The following IPO7 variants were observed in gnomAD, a reference collection of about 807,000 sequenced individuals.
IPO7 encodes importin 7.
In IPO7, 13 loss-of-function variants were observed where a neutral mutation model predicts 136.4. That is an observed-to-expected ratio of 0.10 (90% confidence interval 0.06 to 0.15). IPO7 has a LOEUF of 0.15. IPO7 is among the 10% of genes least tolerant of loss of function. The pLI is 1.00. For missense variants in IPO7, 857 were observed against 1,240.6 expected (o/e 0.69, Z 4.65); for synonymous variants, 403 against 404.4 (o/e 1.00, Z 0.04).
chr11:9,390,806 G>A (rs541443484), intron 1 of IPO7, among the ~76,000 whole-genome samples: 1 of 150,584 alleles, frequency 6.6e-6, no homozygotes, highest in African/African-American at 2.4e-5. Flanking sequence ...GCCTCGCTCT[G>A]TCACCCAGGC....
chr11:9,422,934 G>A (rs1797352653), intron 8 of IPO7, 72 bp from the exon 9 acceptor site: 3 of 923,094 alleles, frequency 3.2e-6, no homozygotes, highest in Admixed American at 2.5e-5. Flanking sequence ...TGTGTTAACT[G>A]TTTTTACTGG....
intron 12 of IPO7, among the ~76,000 whole-genome samples, chr11:9,427,040 G>A (rs1184409621): frequency 6.6e-6 from 1 of 152,176 alleles, no homozygotes; most frequent in East Asian, 1.9e-4. Flanking sequence ...AGTAGAGATG[G>A]GGTTTTGCCA....
chr11:9,446,566 G>A lies in IPO7; in HGVS notation c.*1372G>A, dbSNP rs866169885. 5 of 152,028 alleles carry A rather than the reference G, an allele frequency of 3.3e-5. No homozygotes were observed. Among genetic ancestry groups the A allele is most frequent in the African/African-American group, 4.8e-5 (2 of 41,398 alleles). 9.4% of individuals were successfully genotyped at this position (152,028 alleles called of 1,614,324 possible). A position where few individuals can be genotyped will look rare whatever the true frequency, so the allele number is the denominator to read the frequency against. On this transcript the variant is annotated 3_prime_UTR_variant, in exon 25 of 25. Transcript: ENST00000379719. ...TAAGCCGTTATTGATCTTAAACATC[G>A]GTCAGATGAGTCATACATTGGGTTA...
rs1381130803 is a variant in IPO7, at chr11:9,410,009, C to A, written c.402C>A (p.Gly134=). 5 of 1,607,186 alleles carry A rather than the reference C, an allele frequency of 3.1e-6. No homozygotes were observed. The highest frequency in any genetic ancestry group is 4.2e-6 in the Non-Finnish European group (5 of 1,177,300). Reference sequence around the variant, plus strand: ...GGACTGCCATTGTGGACAAAATTGGCTTTTATCTTCAGTCCGATAACAGTG... The same window carrying A: ...GGACTGCCATTGTGGACAAAATTGGATTTTATCTTCAGTCCGATAACAGTG... ...SRWTAIVDKI[G]FYLQSDNSAC... is the part of the protein sequence containing the mutation. Residue 134 remains glycine, a synonymous_variant, in exon 4 of 25, where the codon GGC becomes GGA. Transcript: ENST00000379719.
chr11:9,409,708 TTGA>T, intron 3 of IPO7, among the ~76,000 whole-genome samples: 1 of 152,342 alleles, frequency 6.6e-6, no homozygotes, highest in South Asian at 2.1e-4. Context: ...AACTTGTTTA[TTGA>T]TGATAGGAAT....
intron 12 of IPO7, among the ~76,000 whole-genome samples, chr11:9,427,191 A>C (rs1855222995): frequency 6.6e-6 from 1 of 152,000 alleles, no homozygotes; most frequent in Non-Finnish European, 1.5e-5. Flanking sequence ...TTTATAATTG[A>C]GTTGTTAGAA....
chr11:9,408,707 T>C, intron 3 of IPO7, 68 bp downstream of exon 3: 1 of 652,820 alleles, frequency 1.5e-6, no homozygotes, highest in Non-Finnish European at 2.1e-6. Context: ...TTTTTTGGTT[T>C]TTTTTTTTTT....
intron 8 of IPO7, among the ~76,000 whole-genome samples, chr11:9,421,439 C>T (rs1435474786): frequency 1.3e-5 from 2 of 149,478 alleles, no homozygotes; most frequent in African/African-American, 4.9e-5. Flanking sequence ...ACCAGCCTGG[C>T]CAACATGGTG....
intron 2 of IPO7, among the ~76,000 whole-genome samples, chr11:9,407,892 T>C (rs886861251): frequency 6.6e-6 from 1 of 152,216 alleles, no homozygotes; most frequent in Non-Finnish European, 1.5e-5. Flanking sequence ...TGTTAACTTT[T>C]GTCAAATAGC....
intron 5 of IPO7, 98 bp from the exon 6 acceptor site, chr11:9,416,961 T>C (rs1304529225): frequency 2.4e-5 from 13 of 549,772 alleles, no homozygotes; most frequent in Non-Finnish European, 3.9e-5. Context: ...GAAATGTGGA[T>C]TGAATGAAAT....
At chr11:9,397,376 C>T (rs1175103901) in intron 1 of IPO7, among the ~76,000 whole-genome samples, 1 of 73,706 alleles carries the variant, frequency 1.4e-5, no homozygotes, top group Non-Finnish European at 2.4e-5. Flanking sequence ...TAGTCGGGCA[C>T]GGTGGCAGGT....
intron 4 of IPO7, among the ~76,000 whole-genome samples, chr11:9,412,141 T>C (rs1376006890): frequency 6.6e-6 from 1 of 152,350 alleles, no homozygotes; most frequent in Non-Finnish European, 1.5e-5. Flanking sequence ...TGTTAGCACT[T>C]TAAAGTAATA....
At chr11:9,395,042 T>C (rs1221769411) in intron 1 of IPO7, among the ~76,000 whole-genome samples, 2 of 152,128 alleles carry the variant, frequency 1.3e-5, no homozygotes, top group African/African-American at 4.8e-5. Flanking sequence ...AGGGGACTAC[T>C]GGGCATATAA....
At chr11:9,393,014 A>C (rs1029122683) in intron 1 of IPO7, among the ~76,000 whole-genome samples, 5 of 151,934 alleles carry the variant, frequency 3.3e-5, no homozygotes, top group Non-Finnish European at 5.9e-5. Flanking sequence ...ATTAGTGATT[A>C]CATTGGAAAA....
Position 9,425,204 on chromosome 11 carries a change from C to T in IPO7, c.1277C>T (p.Pro426Leu). 6.2e-7 allele frequency: 1 copy of T among 1,612,304 alleles called. No homozygotes were observed. The highest frequency in any genetic ancestry group is 8.5e-7 in the Non-Finnish European group (1 of 1,179,400). ...YQILTEPNAD[P>L]RKKDGALHMI... ...ATTCTTACAGAACCAAATGCTGACC[C>T]TCGAAAAAAAGATGGAGCCCTGCAT... Residue 426 changes from proline to leucine, a missense_variant, in exon 12 of 25, where the codon CCT becomes CTT. Transcript: ENST00000379719.
chr11:9,403,914 T>G (rs916875703), intron 2 of IPO7, among the ~76,000 whole-genome samples: 4 of 152,114 alleles, frequency 2.6e-5, no homozygotes, highest in African/African-American at 9.7e-5. Context: ...CATGCTGGAG[T>G]GCAGTGGTGC....
chr11:9,443,607 A>C (rs577786386), intron 24 of IPO7, among the ~76,000 whole-genome samples: 51 of 150,774 alleles, frequency 3.4e-4, no homozygotes, highest in African/African-American at 1.2e-3. Flanking sequence ...AAAAAAAAAA[A>C]AATTTAAACA....
intron 8 of IPO7, among the ~76,000 whole-genome samples, chr11:9,421,689 A>G (rs1163529223): frequency 6.6e-6 from 1 of 150,786 alleles, no homozygotes; most frequent in Non-Finnish European, 1.5e-5. Context: ...TCACGCCTGT[A>G]ATCCCAGCAC....
chr11:9,407,725 A>G (rs1355903879), intron 2 of IPO7, among the ~76,000 whole-genome samples: 1 of 152,218 alleles, frequency 6.6e-6, no homozygotes, highest in Non-Finnish European at 1.5e-5. Context: ...ATTGCTAATT[A>G]GAGAAGATCG....
Sources: gnomAD v4.1 joint callset for allele counts (sites outside exome capture counted in the v4.1 genomes callset) on GRCh38, gnomAD v4.1.1 for gene constraint, MANE v1.5 for transcripts, NCBI Gene and HGNC (gene_info 2026-07-23, HGNC 2026-07-21) for gene names.